Variants in PROM1 observed in about 807,000 individuals in gnomAD.
The protein encoded by PROM1 is prominin 1.
A neutral mutation model predicts 116.9 loss-of-function variants in PROM1; 105 were observed. The observed-to-expected ratio is 0.90, with a 90% CI of 0.77 to 1.06. PROM1 has a LOEUF of 1.06. Among genes scored for constraint, PROM1 ranks in the 50% least tolerant of loss-of-function variants. PROM1 has a pLI of 0.00. For synonymous variants in PROM1, 393 were observed against 387.0 expected (o/e 1.02, Z -0.18); for missense variants, 1,122 against 1,045.2 (o/e 1.07, Z -1.01).
intron 8 of PROM1, among the ~76,000 whole-genome samples, chr4:16,021,862 T>C (rs1465760000): frequency 1.3e-5 from 2 of 152,142 alleles, no homozygotes; most frequent in Non-Finnish European, 2.9e-5. Flanking sequence ...TGGACTGAAG[T>C]ATGTCTCCCC....
At chr4:16,025,071 C>T in intron 6 of PROM1, 121 bp downstream of exon 6, 1 of 1,223,600 alleles carries the variant, frequency 8.2e-7, no homozygotes, top group Non-Finnish European at 1.1e-6. Context: ...TAACAGATAA[C>T]ACCAGTCTAC....
At chr4:16,079,565 C>A in intron 1 of PROM1, among the ~76,000 whole-genome samples, 1 of 152,108 alleles carries the variant, frequency 6.6e-6, no homozygotes, top group East Asian at 1.9e-4. Context: ...TATTTACCAG[C>A]TAAACCCCAC....
intron 10 of PROM1, among the ~76,000 whole-genome samples, chr4:16,014,101 G>C (rs931697070): frequency 1.3e-5 from 2 of 152,118 alleles, no homozygotes; most frequent in African/African-American, 2.4e-5. Flanking sequence ...TCAACTAAAC[G>C]TGCAGCCTTT....
At chr4:16,078,489 A>G (rs925222208) in intron 1 of PROM1, among the ~76,000 whole-genome samples, 1 of 152,238 alleles carries the variant, frequency 6.6e-6, no homozygotes, top group Admixed American at 6.5e-5. Context: ...AAGCCAAAAT[A>G]TGTTATTTCC....
At chr4:15,978,343 T>C (rs1716775575) in intron 26 of PROM1, among the ~76,000 whole-genome samples, 1 of 152,236 alleles carries the variant, frequency 6.6e-6, no homozygotes, top group South Asian at 2.1e-4. Flanking sequence ...AGGAAGCCAT[T>C]TACCTCTTGA....
At position 15,998,514 on chromosome 4, in the gene PROM1, G is replaced by C. The variant is rs531145350; in HGVS notation, c.1579-26C>G. ...CTAGAACACATTAGGAAGTATTTTC[G>C]AAAAATCAGTTTTACACTAACATAC... On this transcript the variant is annotated intron_variant, in intron 14 of 27. Transcript: ENST00000447510. The C allele has an allele frequency of 1.7e-5, 26 of 1,545,826 alleles. No homozygotes were observed. In the African/African-American group the frequency reaches 3.3e-4, roughly 20 times the overall value.
At chr4:16,051,411 C>G (rs1316424640) in intron 2 of PROM1, among the ~76,000 whole-genome samples, 1 of 152,238 alleles carries the variant, frequency 6.6e-6, no homozygotes, top group Non-Finnish European at 1.5e-5. Flanking sequence ...ATTATTATCA[C>G]TAACAACCTT....
At chr4:16,074,418 T>G (rs964412498) in intron 2 of PROM1, among the ~76,000 whole-genome samples, 4 of 152,202 alleles carry the variant, frequency 2.6e-5, no homozygotes, top group African/African-American at 7.2e-5. Context: ...GTAACACATA[T>G]TAAGTCTCCA....
At chr4:16,041,454 A>C (rs577982129) in intron 2 of PROM1, among the ~76,000 whole-genome samples, 2 of 152,204 alleles carry the variant, frequency 1.3e-5, no homozygotes, top group Non-Finnish European at 2.9e-5. Context: ...AACTAGCCAC[A>C]GTTTTCATGG....
At chr4:16,019,428 C>T (rs544497675) in intron 8 of PROM1, among the ~76,000 whole-genome samples, 9 of 152,348 alleles carry the variant, frequency 5.9e-5, no homozygotes, top group East Asian at 1.9e-4. Flanking sequence ...GGGCAAACAA[C>T]GCATATTCTA....
intron 5 of PROM1, among the ~76,000 whole-genome samples, chr4:16,027,714 ACTT>A (rs1372266776): frequency 6.6e-6 from 1 of 152,126 alleles, no homozygotes; most frequent in Non-Finnish European, 1.5e-5. Flanking sequence ...GGTGGAAACT[ACTT>A]CTTTGTTAAC....
At chr4:16,047,574 T>A (rs1221262524) in intron 2 of PROM1, among the ~76,000 whole-genome samples, 2 of 152,188 alleles carry the variant, frequency 1.3e-5, no homozygotes, top group African/African-American at 4.8e-5. Flanking sequence ...ACAATTAGTT[T>A]TGTTACAATT....
intron 2 of PROM1, among the ~76,000 whole-genome samples, chr4:16,062,077 A>G: frequency 6.6e-6 from 1 of 151,874 alleles, no homozygotes; most frequent in Non-Finnish European, 1.5e-5. Context: ...TATTTTTAGT[A>G]GAGACGGGGT....
Position 16,009,034 on chromosome 4 carries a change from GTA to G in PROM1, c.1214_1215del (p.Ile405ThrfsTer9), listed in dbSNP as rs1335052012. On this transcript the variant is annotated frameshift_variant, in exon 12 of 28. Transcript: ENST00000447510. LOFTEE classifies it high-confidence loss of function. ...NVTQRLPIQD[I>X]LSAFSVYVNN... Reference sequence around the variant, plus strand: ...TTAACATAAACAGAGAATGCTGAGAGTATATCCTGAATAGGAAGACGCTGAGT... The same window carrying G: ...TTAACATAAACAGAGAATGCTGAGAGTATCCTGAATAGGAAGACGCTGAGT... 3.7e-6 allele frequency: 6 copies of G among 1,602,330 alleles called. No individual in the cohort carries two copies. The highest frequency in any genetic ancestry group is 5.1e-6 in the Non-Finnish European group (6 of 1,169,568).
intron 11 of PROM1, among the ~76,000 whole-genome samples, chr4:16,011,629 C>CA (rs1726911014): frequency 6.6e-6 from 1 of 152,110 alleles, no homozygotes; most frequent in South Asian, 2.1e-4. Context: ...GAGGGGAAAC[C>CA]AAAAAATTAA....
At chr4:15,981,145 TAG>T (rs1717808205) in intron 23 of PROM1, among the ~76,000 whole-genome samples, 1 of 150,534 alleles carries the variant, frequency 6.6e-6, no homozygotes, top group Non-Finnish European at 1.5e-5. Flanking sequence ...GTATTTTTAG[TAG>T]AGACGGGGTT....
At chr4:16,070,772 G>T (rs1330096952) in intron 2 of PROM1, among the ~76,000 whole-genome samples, 2 of 152,150 alleles carry the variant, frequency 1.3e-5, no homozygotes, top group African/African-American at 4.8e-5. Flanking sequence ...CTACTGTCAG[G>T]CTTGCCAAGG....
At chr4:16,081,433 C>T (rs1016557100) in intron 1 of PROM1, among the ~76,000 whole-genome samples, 3 of 152,160 alleles carry the variant, frequency 2.0e-5, no homozygotes, top group Non-Finnish European at 4.4e-5. Flanking sequence ...TAGAAGAAAA[C>T]CTAGGCAATA....
chr4:15,981,815 T>C (rs1276839071), intron 23 of PROM1, among the ~76,000 whole-genome samples: 1 of 152,216 alleles, frequency 6.6e-6, no homozygotes, highest in African/African-American at 2.4e-5. Context: ...CTTTTTTAAA[T>C]AGTTGCCAAC....
Sources: gnomAD v4.1 joint callset for allele counts (sites outside exome capture counted in the v4.1 genomes callset) on GRCh38, gnomAD v4.1.1 for gene constraint, MANE v1.5 for transcripts, NCBI Gene and HGNC (gene_info 2026-07-23, HGNC 2026-07-21) for gene names.